TESPA1: variants seen among roughly 807,000 people sequenced by gnomAD.
The protein encoded by TESPA1 is protein TESPA1.
Under a neutral mutation model 57.9 loss-of-function variants are expected in TESPA1, and 33 were observed. The ratio of observed to expected loss-of-function variants is 0.57; its 90% confidence interval spans 0.43 to 0.76. TESPA1 has a LOEUF of 0.76. TESPA1 is among the 30% of genes least tolerant of loss of function. TESPA1 has a pLI of 0.00. For synonymous variants in TESPA1, 227 were observed against 228.9 expected, an observed-to-expected ratio of 0.99 and a Z score of 0.07; for missense variants, 618 against 632.9, an observed-to-expected ratio of 0.98 and a Z score of 0.25.
At chr12:54,961,368 A>G (rs1411498145) in intron 9 of TESPA1, 101 bp from the exon 10 acceptor site, 17 of 1,259,868 alleles carry the variant, frequency 1.3e-5, no homozygotes, top group Non-Finnish European at 1.8e-5. Context: ...GGCTGAGTGT[A>G]CTTGAGAGAC....
chr12:54,978,108 C>T (rs149560759), intron 1 of TESPA1, among the ~76,000 whole-genome samples: 97 of 151,864 alleles, frequency 6.4e-4, no homozygotes, highest in African/African-American at 2.2e-3. Flanking sequence ...AATTAAAAAG[C>T]GAGTGCACAC....
chr12:54,963,309 C>T, intron 8 of TESPA1, 67 bp from the exon 9 acceptor site: 1 of 1,450,352 alleles, frequency 6.9e-7, no homozygotes, highest in Non-Finnish European at 9.2e-7. Flanking sequence ...TCTCTCCCTT[C>T]AGGAGGCTCC....
chr12:54,954,741 C>T (rs1356465039), intron 10 of TESPA1, among the ~76,000 whole-genome samples: 2 of 152,172 alleles, frequency 1.3e-5, no homozygotes, highest in African/African-American at 4.8e-5. Flanking sequence ...CAGGATTATC[C>T]ATGCCATCAC....
chr12:54,965,524 C>T (rs1033725992), intron 7 of TESPA1, among the ~76,000 whole-genome samples: 3 of 152,274 alleles, frequency 2.0e-5, no homozygotes, highest in South Asian at 2.1e-4. Context: ...AGGACACGAA[C>T]GCGTTCCTTT....
chr12:54,952,580 A>T (rs545293434), intron 10 of TESPA1, among the ~76,000 whole-genome samples: 21 of 152,220 alleles, frequency 1.4e-4, no homozygotes, highest in Non-Finnish European at 2.5e-4. Flanking sequence ...TGGAACCAGT[A>T]ATCCCAGAGA....
chr12:54,975,683 G>GAATAA (rs59729826), intron 1 of TESPA1, among the ~76,000 whole-genome samples: 19,488 of 148,494 alleles, frequency 0.13, 2,434 homozygotes, highest in African/African-American at 0.31. Flanking sequence ...TTAACTATTG[G>GAATAA]AATAAAATAA....
At chr12:54,964,036 GA>G in intron 7 of TESPA1, 86 bp from the exon 8 acceptor site, 6 of 1,369,290 alleles carry the variant, frequency 4.4e-6, no homozygotes, top group Non-Finnish European at 6.1e-6. Flanking sequence ...AAAAGTGTCA[GA>G]AGACTGAAAT....
chr12:54,978,711 C>CT (rs1952215648), intron 1 of TESPA1, among the ~76,000 whole-genome samples: 1 of 152,174 alleles, frequency 6.6e-6, no homozygotes, highest in African/African-American at 2.4e-5. Flanking sequence ...AACTTTTCTG[C>CT]TTTTTTGCTT....
chr12:54,967,243 A>G lies in TESPA1; in HGVS notation c.257-7T>C, dbSNP rs1244832717. The G allele has an allele frequency of 6.2e-7, 1 of 1,612,292 alleles. No homozygotes were observed. Among genetic ancestry groups the G allele is most frequent in the South Asian group, 1.1e-5 (1 of 90,622 alleles). ...GTCCCATGGCTGCAGAAGCCTGTCC[A>G]ATAATCAGGTGAGGGTCACAGAAAA... is the stretch of plus-strand genomic sequence containing the variant. On this transcript the variant is annotated splice_polypyrimidine_tract_variant and splice_region_variant and intron_variant, in intron 4 of 10. Coordinates refer to ENST00000449076, the MANE Select transcript of TESPA1 (RefSeq NM_001136030.3).
At chr12:54,981,547 G>T (rs1952324817) in intron 1 of TESPA1, among the ~76,000 whole-genome samples, 1 of 151,370 alleles carries the variant, frequency 6.6e-6, no homozygotes, top group Non-Finnish European at 1.5e-5. Context: ...TTGTGCACGT[G>T]TACCCTAGAA....
chr12:54,971,539 A>G (rs1317416981), intron 3 of TESPA1, among the ~76,000 whole-genome samples: 2 of 152,240 alleles, frequency 1.3e-5, no homozygotes, highest in African/African-American at 4.8e-5. Flanking sequence ...CCTTCCAAAG[A>G]CAAATGCAAG....
chr12:54,968,141 T>A (rs1951566675), intron 3 of TESPA1: 2 of 786,816 alleles, frequency 2.5e-6, no homozygotes, highest in Non-Finnish European at 3.8e-6. Flanking sequence ...GCCACAGGAC[T>A]AAAGGACGAA....
rs142019503 is a variant in TESPA1, at chr12:54,971,269, G to A, written c.206+2208C>T. On this transcript the variant is annotated intron_variant, in intron 3 of 10. Transcript: ENST00000449076. ...GAGTGGACAGATAATCAGTAAATGC[G>A]GGCTCCTTGTTTATCCTCTTTCCTC... 1.1e-3 allele frequency among the ~76,000 whole-genome samples: 163 copies of A among 152,320 alleles called. 3 individuals carry two copies. In the South Asian group the frequency reaches 0.016, roughly 15 times the overall value.
chr12:54,964,530 C>T lies in TESPA1; in HGVS notation c.447-580G>A. Among the ~76,000 whole-genome samples the T allele has an allele frequency of 1.3e-5, 2 of 152,234 alleles. 1 individual carries two copies. On this transcript the variant is annotated intron_variant, in intron 7 of 10. Transcript: ENST00000449076. ...ACAGAAGATCCCGTGCACGCACTCTCTCTTTATGGTATCAACCTGGATTTA... is the reference window on the plus strand; with the variant it reads ...ACAGAAGATCCCGTGCACGCACTCTTTCTTTATGGTATCAACCTGGATTTA...
intron 2 of TESPA1, chr12:54,973,750 G>T: frequency 1.5e-6 from 2 of 1,297,896 alleles, no homozygotes; most frequent in Non-Finnish European, 9.8e-7. Context: ...CCTGGAAAGT[G>T]CCCAAGATGT....
chr12:54,955,527 G>A (rs991448554), intron 10 of TESPA1, among the ~76,000 whole-genome samples: 19 of 152,336 alleles, frequency 1.2e-4, no homozygotes, highest in African/African-American at 4.6e-4. Flanking sequence ...TACCAGGTAA[G>A]TCTAGGGTGA....
chr12:54,968,629 C>G (rs1224727529), intron 3 of TESPA1, among the ~76,000 whole-genome samples: 2 of 152,124 alleles, frequency 1.3e-5, no homozygotes. Context: ...CTGTTTTGTT[C>G]TCAAATATTA....
At chr12:54,985,101 G>A (rs983019833), upstream of TESPA1, among the ~76,000 whole-genome samples, 8 of 152,266 alleles carry the variant, frequency 5.3e-5, no homozygotes, top group African/African-American at 1.7e-4. Context: ...ATGATCTGGC[G>A]TTTATCTCAG....
rs147459112 is a variant in TESPA1 at position 54,975,527 on chromosome 12, C to T, written c.-45-920G>A. ...GAAGCTAATGTAATATTCATTGGCT[C>T]ATACTCTGTCCTGCTGCCTCTCCCC... On this transcript the variant is annotated intron_variant, in intron 1 of 10. Transcript: ENST00000449076. Among the ~76,000 whole-genome samples the T allele has an allele frequency of 4.2e-3, 643 of 152,166 alleles. 3 individuals are homozygous for T. Among genetic ancestry groups the T allele is most frequent in the Middle Eastern group, 0.02 (6 of 294 alleles).
Sources: gnomAD v4.1 joint callset for allele counts (sites outside exome capture counted in the v4.1 genomes callset) on GRCh38, gnomAD v4.1.1 for gene constraint, MANE v1.5 for transcripts, NCBI Gene and HGNC (gene_info 2026-07-23, HGNC 2026-07-21) for gene names.